The following PRDM5 variants were observed in gnomAD, a reference collection of about 807,000 sequenced individuals.
PRDM5 encodes the protein PR/SET domain 5.
Under a neutral mutation model 81.2 loss-of-function variants are expected in PRDM5, and 56 were observed. The ratio of observed to expected loss-of-function variants is 0.69; its 90% CI spans 0.56 to 0.86. The LOEUF (loss-of-function observed/expected upper bound fraction) is 0.86. Among genes scored for constraint, PRDM5 ranks in the 40% least tolerant of loss-of-function variants. The pLI, the probability that PRDM5 is intolerant of heterozygous loss-of-function variation, is 0.00. For synonymous variants in PRDM5, 267 were observed against 256.4 expected (o/e 1.04, Z -0.39); for missense variants, 697 against 770.1 (o/e 0.91, Z 1.12).
chr4:120,902,289 G>A (rs1416461255), intron 2 of PRDM5, among the ~76,000 whole-genome samples: 1 of 152,224 alleles, frequency 6.6e-6, no homozygotes, highest in Non-Finnish European at 1.5e-5. Flanking sequence ...TATGCTGGAA[G>A]CACAGAGCCA....
At chr4:120,818,909 T>C (rs1754900456) in intron 4 of PRDM5, among the ~76,000 whole-genome samples, 1 of 152,142 alleles carries the variant, frequency 6.6e-6, no homozygotes, top group African/African-American at 2.4e-5. Flanking sequence ...GCAAACTATA[T>C]TGAATTACCA....
intron 14 of PRDM5, among the ~76,000 whole-genome samples, chr4:120,722,636 T>C (rs922458940): frequency 6.6e-6 from 1 of 152,130 alleles, no homozygotes; most frequent in Non-Finnish European, 1.5e-5. Context: ...TTTTGAAATA[T>C]TCCCTGGTGA....
rs548005553 is a variant in PRDM5 at position 120,803,348 on chromosome 4, T to C, written c.946-3603A>G. On this transcript the variant is annotated intron_variant, in intron 8 of 15. Transcript: ENST00000264808. ...CAGGCCAACATTCAAATTCAGGAAA[T>C]ACAGACACACCACAAAGATACTCCT... Among the ~76,000 whole-genome samples, 354 of 152,006 alleles carry C rather than the reference T, an allele frequency of 2.3e-3. 1 individual carries two copies. Among genetic ancestry groups the C allele is most frequent in the African/African-American group, 8.0e-3 (331 of 41,430 alleles).
intron 15 of PRDM5, among the ~76,000 whole-genome samples, chr4:120,697,667 ACTATTTT>A (rs1734690639): frequency 4.7e-5 from 4 of 86,000 alleles, no homozygotes; most frequent in Admixed American, 1.4e-4. Flanking sequence ...TGCCCAGCTA[ACTATTTT>A]TTTTTTTTTT....
intron 14 of PRDM5, among the ~76,000 whole-genome samples, chr4:120,747,452 T>A (rs1743293661): frequency 6.6e-6 from 1 of 151,886 alleles, no homozygotes; most frequent in African/African-American, 2.4e-5. Flanking sequence ...AAATAAAAAA[T>A]TAAAAAATAA....
chr4:120,770,670 T>C (rs1271865820), intron 13 of PRDM5, among the ~76,000 whole-genome samples: 1 of 151,938 alleles, frequency 6.6e-6, no homozygotes, highest in Non-Finnish European at 1.5e-5. Flanking sequence ...AGACTATGTC[T>C]CAGAAAAAAA....
intron 1 of PRDM5, among the ~76,000 whole-genome samples, chr4:120,912,992 G>T (rs1766691535): frequency 6.6e-6 from 1 of 152,166 alleles, no homozygotes; most frequent in Non-Finnish European, 1.5e-5. Context: ...TTTCTTAAAA[G>T]TTCAATGTGA....
intron 3 of PRDM5, among the ~76,000 whole-genome samples, chr4:120,833,771 G>A (rs1225050158): frequency 4.6e-5 from 7 of 152,096 alleles, no homozygotes; most frequent in African/African-American, 7.2e-5. Flanking sequence ...AGGCATTCAC[G>A]GGGGATCTTG....
chr4:120,696,500 C>G (rs138558264), intron 15 of PRDM5, among the ~76,000 whole-genome samples: 5 of 152,236 alleles, frequency 3.3e-5, no homozygotes, highest in African/African-American at 1.2e-4. Context: ...AGTAAGCACT[C>G]AATAAGTATT....
chr4:120,713,102 T>C (rs924060841), intron 14 of PRDM5, among the ~76,000 whole-genome samples: 1 of 152,214 alleles, frequency 6.6e-6, no homozygotes, highest in African/African-American at 2.4e-5. Context: ...TTATTTTAGA[T>C]GTTTTGAGAC....
At chr4:120,696,018 A>G (rs76329710) in intron 15 of PRDM5, among the ~76,000 whole-genome samples, 90 of 152,160 alleles carry the variant, frequency 5.9e-4, no homozygotes, top group African/African-American at 2.0e-3. Context: ...CTGGAGTTTT[A>G]ATTGAGGTTA....
chr4:120,720,922 C>A (rs1387057642), intron 14 of PRDM5, among the ~76,000 whole-genome samples: 2 of 151,554 alleles, frequency 1.3e-5, no homozygotes, highest in Non-Finnish European at 2.9e-5. Context: ...ACACATAGAA[C>A]ACTAAAAACA....
chr4:120,885,157 G>GAAAAAAAGAAAA (rs1561604291), intron 2 of PRDM5, among the ~76,000 whole-genome samples: 4 of 98,848 alleles, frequency 4.0e-5, no homozygotes, highest in African/African-American at 2.1e-4. Flanking sequence ...AAAAAAAAAA[G>GAAAAAAAGAAAA]TAAAAAAGAA....
At chr4:120,919,231 T>C (rs1724593439) in intron 1 of PRDM5, among the ~76,000 whole-genome samples, 1 of 152,180 alleles carries the variant, frequency 6.6e-6, no homozygotes, top group Non-Finnish European at 1.5e-5. Flanking sequence ...GCCTCAATCA[T>C]TTTGGTAATC....
intron 13 of PRDM5, among the ~76,000 whole-genome samples, chr4:120,775,495 T>A (rs1020715444): frequency 5.3e-5 from 8 of 152,220 alleles, no homozygotes; most frequent in African/African-American, 1.9e-4. Flanking sequence ...ATTGGGTTCA[T>A]CTTTTCTGTG....
intron 2 of PRDM5, among the ~76,000 whole-genome samples, chr4:120,895,878 G>T (rs1035154957): frequency 6.6e-6 from 1 of 152,132 alleles, no homozygotes; most frequent in Non-Finnish European, 1.5e-5. Context: ...TTGCTTTGTT[G>T]CAATCTCTTC....
chr4:120,818,247 T>G (rs1754798425), intron 5 of PRDM5, 106 bp downstream of exon 5: 1 of 1,200,158 alleles, frequency 8.3e-7, no homozygotes. Context: ...AACATGCGCG[T>G]GCGCGCGTGC....
intron 13 of PRDM5, among the ~76,000 whole-genome samples, chr4:120,772,425 G>C (rs756884481): frequency 3.9e-5 from 6 of 152,188 alleles, no homozygotes; most frequent in Non-Finnish European, 8.8e-5. Flanking sequence ...ACAGTGAACA[G>C]TTCCTATGCA....
intron 8 of PRDM5, among the ~76,000 whole-genome samples, chr4:120,801,225 C>T (rs1752075850): frequency 6.6e-6 from 1 of 152,196 alleles, no homozygotes; most frequent in African/African-American, 2.4e-5. Context: ...TGCAGAATAA[C>T]TAGGAATAAC....
Sources: gnomAD v4.1 joint callset for allele counts (sites outside exome capture counted in the v4.1 genomes callset) on GRCh38, gnomAD v4.1.1 for gene constraint, MANE v1.5 for transcripts, NCBI Gene and HGNC (gene_info 2026-07-23, HGNC 2026-07-21) for gene names.